The following ALK variants were observed in gnomAD, a reference collection of about 807,000 sequenced individuals.
The protein encoded by ALK is ALK receptor tyrosine kinase, also known as ALK tyrosine kinase receptor.
Under a neutral mutation model 163.1 loss-of-function variants are expected in ALK, and 74 were observed. The ratio of observed to expected loss-of-function variants is 0.45; its 90% CI spans 0.38 to 0.55. The LOEUF (loss-of-function observed/expected upper bound fraction) is 0.55. ALK is among the 20% of genes least tolerant of loss of function. ALK has a pLI of 0.00. For synonymous variants in ALK, 960 were observed against 843.2 expected (o/e 1.14, Z -2.40); for missense variants, 2,063 against 2,105.3 (o/e 0.98, Z 0.39).
intron 3 of ALK, among the ~76,000 whole-genome samples, chr2:29,678,251 A>C (rs888983922): frequency 9.2e-5 from 14 of 151,894 alleles, no homozygotes; most frequent in African/African-American, 2.7e-4. Context: ...TCAAATAACA[A>C]ATTTTTGGGT....
chr2:29,534,867 T>A (rs1444101163), intron 3 of ALK, among the ~76,000 whole-genome samples: 1 of 152,130 alleles, frequency 6.6e-6, no homozygotes, highest in African/African-American at 2.4e-5. Flanking sequence ...ATTTTTCCAG[T>A]TCTAATATGT....
chr2:29,371,796 A>G (rs78599959), intron 5 of ALK, among the ~76,000 whole-genome samples: 11,048 of 152,140 alleles, frequency 0.073, 520 homozygotes, highest in Non-Finnish European at 0.11. Flanking sequence ...GAGAAGACAC[A>G]CTACTCCCTG....
intron 23 of ALK, among the ~76,000 whole-genome samples, chr2:29,216,286 C>A (rs1466095808): frequency 1.3e-5 from 2 of 152,100 alleles, no homozygotes; most frequent in Non-Finnish European, 2.9e-5. Context: ...AGCGAAATAT[C>A]TTTTTGCTCT....
At chr2:29,915,096 A>G (rs1044407546) in intron 1 of ALK, among the ~76,000 whole-genome samples, 1 of 152,240 alleles carries the variant, frequency 6.6e-6, no homozygotes, top group African/African-American at 2.4e-5. Context: ...AATTTCCTTT[A>G]CAGGTCAGAC....
At chr2:29,535,126 T>G (rs111258242) in intron 3 of ALK, among the ~76,000 whole-genome samples, 36 of 152,310 alleles carry the variant, frequency 2.4e-4, no homozygotes, top group African/African-American at 8.2e-4. Flanking sequence ...TTGCTCAGGA[T>G]AGCTTGGGGC....
intron 4 of ALK, among the ~76,000 whole-genome samples, chr2:29,492,675 G>T (rs560891170): frequency 6.6e-6 from 1 of 152,156 alleles, no homozygotes; most frequent in African/African-American, 2.4e-5. Flanking sequence ...CCTGCTGTTC[G>T]TAAGGATTCT....
chr2:29,425,092 T>G (rs1670102509), intron 4 of ALK, among the ~76,000 whole-genome samples: 1 of 152,150 alleles, frequency 6.6e-6, no homozygotes, highest in African/African-American at 2.4e-5. Context: ...CAAGCATAAC[T>G]GGTAAAAATT....
At chr2:29,708,709 G>C (rs927717635) in intron 2 of ALK, among the ~76,000 whole-genome samples, 2 of 152,196 alleles carry the variant, frequency 1.3e-5, no homozygotes, top group African/African-American at 4.8e-5. Context: ...CTCTATGGTA[G>C]AGAGGTTAGG....
At chr2:29,379,031 C>T (rs947923502) in intron 5 of ALK, among the ~76,000 whole-genome samples, 1 of 152,160 alleles carries the variant, frequency 6.6e-6, no homozygotes, top group Non-Finnish European at 1.5e-5. Flanking sequence ...CTTTTCAAAT[C>T]CCTTTCAAGA....
At chr2:29,771,529 C>T (rs1681022968) in intron 1 of ALK, among the ~76,000 whole-genome samples, 1 of 151,932 alleles carries the variant, frequency 6.6e-6, no homozygotes, top group Non-Finnish European at 1.5e-5. Flanking sequence ...CCCTGGAATT[C>T]TTCTCTTTTT....
At chr2:29,336,230 C>T (rs563805454) in intron 5 of ALK, among the ~76,000 whole-genome samples, 1 of 152,312 alleles carries the variant, frequency 6.6e-6, no homozygotes, top group East Asian at 1.9e-4. Context: ...TCCCTTCCTT[C>T]TCTGATGTCC....
chr2:29,636,897 C>T (rs75230836), intron 3 of ALK, among the ~76,000 whole-genome samples: 2,332 of 152,254 alleles, frequency 0.015, 57 homozygotes, highest in African/African-American at 0.054. Context: ...TGAGCTATCA[C>T]CTCACATCTG....
intron 1 of ALK, among the ~76,000 whole-genome samples, chr2:29,777,141 C>T (rs1190865623): frequency 6.6e-6 from 1 of 152,208 alleles, no homozygotes. Flanking sequence ...ATCAGGGGCT[C>T]ATACACTAAA....
intron 3 of ALK, among the ~76,000 whole-genome samples, chr2:29,625,206 T>G (rs1344046988): frequency 6.6e-6 from 1 of 152,190 alleles, no homozygotes; most frequent in Non-Finnish European, 1.5e-5. Flanking sequence ...TCACCAACAA[T>G]CCTATATTTA....
At chr2:29,571,006 A>C (rs530327266) in intron 3 of ALK, among the ~76,000 whole-genome samples, 1 of 152,338 alleles carries the variant, frequency 6.6e-6, no homozygotes, top group East Asian at 1.9e-4. Context: ...AAGGAGAAAA[A>C]GGAGGGGGAA....
At chr2:29,547,343 T>C (rs1038354284) in intron 3 of ALK, among the ~76,000 whole-genome samples, 9 of 152,314 alleles carry the variant, frequency 5.9e-5, no homozygotes, top group Admixed American at 2.6e-4. Context: ...ATGCCTGTAA[T>C]CCCAGCATTT....
At chr2:29,766,923 A>G (rs866884600) in intron 1 of ALK, among the ~76,000 whole-genome samples, 14 of 152,166 alleles carry the variant, frequency 9.2e-5, no homozygotes, top group African/African-American at 2.7e-4. Context: ...AGGCTCTTCT[A>G]GAAGCTGTGG....
chr2:29,831,275 G>T lies in ALK; in HGVS notation c.667+88718C>A, dbSNP rs548073390. Among the ~76,000 whole-genome samples the T allele has an allele frequency of 4.4e-3, 489 of 110,860 alleles. 101 individuals are homozygous for T. The highest frequency in any genetic ancestry group is 0.014 in the African/African-American group (470 of 32,956). The allele number at this position is 110,860 out of a possible 152,430, so 72.7% of individuals were successfully genotyped here. A position where few individuals can be genotyped will look rare whatever the true frequency, so the allele number is the denominator to read the frequency against. On this transcript the variant is annotated intron_variant, in intron 1 of 28. Coordinates refer to ENST00000389048, the MANE Select transcript of ALK (RefSeq NM_004304.5). ...AGAGGAAGAGGAAGAAGAAGAAGAA[G>T]AAGAAGAAGAAGAAGAAGAAGAAGA...
At chr2:29,250,489 C>T (rs1309718615) in intron 12 of ALK, among the ~76,000 whole-genome samples, 1 of 152,150 alleles carries the variant, frequency 6.6e-6, no homozygotes, top group East Asian at 1.9e-4. Context: ...CCAGATGCTG[C>T]AGGAGGGGGT....
Sources: gnomAD v4.1 joint callset for allele counts (sites outside exome capture counted in the v4.1 genomes callset) on GRCh38, gnomAD v4.1.1 for gene constraint, MANE v1.5 for transcripts, NCBI Gene and HGNC (gene_info 2026-07-23, HGNC 2026-07-21) for gene names.